ELAPOR1: variants seen among roughly 807,000 people sequenced by gnomAD.
ELAPOR1 encodes the protein endosome/lysosome-associated apoptosis and autophagy regulator 1.
In ELAPOR1, 77 loss-of-function variants were observed where a neutral mutation model predicts 119.7. The observed-to-expected ratio is 0.64, with a 90% CI of 0.54 to 0.78. The LOEUF (loss-of-function observed/expected upper bound fraction) is 0.78, where lower values mean the gene tolerates loss of function less well. ELAPOR1 is among the 30% of genes least tolerant of loss of function. The probability of loss-of-function intolerance (pLI) is 0.00; values close to 1 mark genes in which losing one functional copy is unlikely to be tolerated. For synonymous variants in ELAPOR1, 481 were observed against 487.2 expected (o/e 0.99, Z 0.17); for missense variants, 1,115 against 1,270.4 (o/e 0.88, Z 1.86).
chr1:109,147,766 T>A (rs1024497262), intron 1 of ELAPOR1, among the ~76,000 whole-genome samples: 1 of 150,436 alleles, frequency 6.6e-6, no homozygotes, highest in African/African-American at 2.4e-5. Context: ...AAAACTGCTC[T>A]AAAAAAAAAG....
Position 109,183,343 on chromosome 1 carries a change from AAAAAACAAAAAAAAGAG to A in ELAPOR1, c.953-1700_953-1684del, listed in dbSNP as rs1354642332. On this transcript the variant is annotated intron_variant, in intron 7 of 21. Transcript: ENST00000369939. Reference sequence around the variant, plus strand: ...CTGTCTCTACCAAAAAAAAAAAAAAAAAAAACAAAAAAAAGAGAGAGAGAGAGAAAAGAAAACAAACC... The same window carrying A: ...CTGTCTCTACCAAAAAAAAAAAAAAAAGAGAGAGAGAAAAGAAAACAAACC... 2.1e-4 allele frequency among the ~76,000 whole-genome samples: 10 copies of A among 47,526 alleles called. 2 individuals are homozygous for A. Among genetic ancestry groups the A allele is most frequent in the Non-Finnish European group, 4.2e-4 (8 of 18,952 alleles). The allele number at this position is 47,526 out of a possible 152,430, so 31.2% of individuals were successfully genotyped here. A position where few individuals can be genotyped will look rare whatever the true frequency, so the allele number is the denominator to read the frequency against.
At chr1:109,135,734 T>C (rs946224566) in intron 1 of ELAPOR1, among the ~76,000 whole-genome samples, 1 of 152,200 alleles carries the variant, frequency 6.6e-6, no homozygotes, top group Non-Finnish European at 1.5e-5. Flanking sequence ...TGGGGGCATA[T>C]GACTGAATAT....
chr1:109,199,652 C>T (rs1654039129), intron 18 of ELAPOR1, among the ~76,000 whole-genome samples: 1 of 152,194 alleles, frequency 6.6e-6, no homozygotes, highest in Non-Finnish European at 1.5e-5. Context: ...GTGGGGAGCC[C>T]ACTGGAGGCC....
intron 1 of ELAPOR1, among the ~76,000 whole-genome samples, chr1:109,154,562 C>T (rs1650751289): frequency 6.6e-6 from 1 of 152,184 alleles, no homozygotes. Flanking sequence ...CTGGGGAGTG[C>T]CCATTGTTAA....
chr1:109,163,213 A>G lies in ELAPOR1; in HGVS notation c.274+1199A>G, dbSNP rs148537882. ...GCTTGTGGTCCAGGGTAGAGGCAAC[A>G]CAGAGAAGGTGATGGATGGAGTTGA... On this transcript the variant is annotated intron_variant, in intron 2 of 21. Transcript: ENST00000369939. Among the ~76,000 whole-genome samples the G allele has an allele frequency of 2.6e-5, 4 of 152,326 alleles. No individual in the cohort carries two copies. In the East Asian group the frequency reaches 5.8e-4, roughly 22 times the overall value.
At chr1:109,169,742 A>T (rs1345136330) in intron 3 of ELAPOR1, among the ~76,000 whole-genome samples, 1 of 152,168 alleles carries the variant, frequency 6.6e-6, no homozygotes, top group East Asian at 1.9e-4. Flanking sequence ...CTCACATAAT[A>T]TTGGCAACAA....
At chr1:109,187,452 T>C (rs1653124997) in intron 8 of ELAPOR1, 1 of 997,000 alleles carries the variant, frequency 1.0e-6, no homozygotes, top group Non-Finnish European at 1.2e-6. Flanking sequence ...GCCTTATTCA[T>C]CCTTCTTTTC....
At chr1:109,130,720 G>C (rs1033776353) in intron 1 of ELAPOR1, among the ~76,000 whole-genome samples, 1 of 152,008 alleles carries the variant, frequency 6.6e-6, no homozygotes, top group Admixed American at 6.6e-5. Flanking sequence ...ATCTCCTTTG[G>C]CCCAATAATG....
intron 8 of ELAPOR1, 69 bp downstream of exon 8, chr1:109,185,202 C>G (rs910589895): frequency 8.3e-7 from 1 of 1,200,226 alleles, no homozygotes; most frequent in Non-Finnish European, 1.2e-6. Context: ...GGTTTGCCAC[C>G]ATTTGGAACT....
chr1:109,203,013 G>A lies in ELAPOR1; in HGVS notation c.*1G>A. ...AGGAGGCCTAGACATGGACCTGTGAGAGGCACTGCCTGCCTCACCTGCCTC... is the reference window on the plus strand; with the variant it reads ...AGGAGGCCTAGACATGGACCTGTGAAAGGCACTGCCTGCCTCACCTGCCTC... On this transcript the variant is annotated 3_prime_UTR_variant, in exon 22 of 22. Transcript: ENST00000369939. 1 of 1,607,726 alleles carries A rather than the reference G, an allele frequency of 6.2e-7. No individual in the cohort carries two copies. The highest frequency in any genetic ancestry group is 8.5e-7 in the Non-Finnish European group (1 of 1,174,952).
chr1:109,144,137 G>A (rs1278028133), intron 1 of ELAPOR1, among the ~76,000 whole-genome samples: 1 of 139,510 alleles, frequency 7.2e-6, no homozygotes, highest in Non-Finnish European at 1.5e-5. Context: ...TTGGCTCACC[G>A]CAACCTCCAC....
intron 1 of ELAPOR1, among the ~76,000 whole-genome samples, chr1:109,157,304 C>G (rs1160762028): frequency 3.9e-5 from 6 of 152,140 alleles, no homozygotes; most frequent in Non-Finnish European, 2.9e-5. Context: ...GTGACTTTGC[C>G]TCTCAATGAC....
intron 2 of ELAPOR1, among the ~76,000 whole-genome samples, chr1:109,164,004 C>G (rs927697043): frequency 1.3e-5 from 2 of 152,166 alleles, no homozygotes; most frequent in Non-Finnish European, 2.9e-5. Flanking sequence ...AGTCCCACAG[C>G]AAGGCAGAGC....
intron 1 of ELAPOR1, among the ~76,000 whole-genome samples, chr1:109,132,756 A>G (rs1649226307): frequency 6.6e-6 from 1 of 152,230 alleles, no homozygotes; most frequent in South Asian, 2.1e-4. Flanking sequence ...GAGCAGAGAC[A>G]GAAGGAAGGA....
chr1:109,140,353 G>T (rs1046632789), intron 1 of ELAPOR1, among the ~76,000 whole-genome samples: 2 of 152,174 alleles, frequency 1.3e-5, no homozygotes, highest in African/African-American at 4.8e-5. Flanking sequence ...TAGGGTGCAG[G>T]GTTGGAATAA....
At chr1:109,191,128 C>T (rs556068814) in intron 11 of ELAPOR1, among the ~76,000 whole-genome samples, 13 of 152,088 alleles carry the variant, frequency 8.5e-5, no homozygotes, top group East Asian at 1.9e-4. Flanking sequence ...GGTCTCCCCG[C>T]GATGATGGGG....
intron 7 of ELAPOR1, among the ~76,000 whole-genome samples, chr1:109,176,994 C>T: frequency 7.2e-6 from 1 of 139,276 alleles, no homozygotes; most frequent in South Asian, 2.3e-4. Flanking sequence ...AAAAGTCTCC[C>T]ATGTCTACCT....
chr1:109,155,565 CATTTTAT>C (rs1650828912), intron 1 of ELAPOR1, among the ~76,000 whole-genome samples: 1 of 151,964 alleles, frequency 6.6e-6, no homozygotes, highest in African/African-American at 2.4e-5. Context: ...GCTATATAAA[CATTTTAT>C]ATTTTATAAT....
chr1:109,136,681 G>A (rs1222989331), intron 1 of ELAPOR1, among the ~76,000 whole-genome samples: 4 of 152,096 alleles, frequency 2.6e-5, no homozygotes. Context: ...AAAATTAATT[G>A]TAGGTATAAT....
Sources: allele counts gnomAD v4.1 joint callset (sites outside exome capture counted in the v4.1 genomes callset), GRCh38; gene constraint gnomAD v4.1.1; transcripts MANE v1.5; gene names NCBI Gene and HGNC (gene_info 2026-07-23, HGNC 2026-07-21).